Variants in SLC19A2 observed in about 807,000 individuals in gnomAD.
SLC19A2 encodes solute carrier family 19 member 2, also known as thiamine transporter 1.
Under a neutral mutation model 44.7 loss-of-function variants are expected in SLC19A2, and 27 were observed. That is an observed-to-expected ratio of 0.60 (90% CI 0.45 to 0.83). The LOEUF is 0.83. SLC19A2 is among the 40% of genes least tolerant of loss of function. SLC19A2 has a pLI of 0.00. For synonymous variants in SLC19A2, 239 were observed against 243.6 expected, an observed-to-expected ratio of 0.98 and a Z score of 0.18; for missense variants, 566 against 613.7, an observed-to-expected ratio of 0.92 and a Z score of 0.82.
chr1:169,484,793 T>C (rs1196881396), intron 1 of SLC19A2, among the ~76,000 whole-genome samples: 1 of 152,236 alleles, frequency 6.6e-6, no homozygotes, highest in East Asian at 1.9e-4. Flanking sequence ...GATGATGGAC[T>C]ACGTGCTCTC....
rs1361783731 is a variant in SLC19A2, at chr1:169,464,288, A to G, written c.*1561T>C. On this transcript the variant is annotated 3_prime_UTR_variant, in exon 6 of 6. Coordinates refer to ENST00000236137, the MANE Select transcript of SLC19A2 (RefSeq NM_006996.3). ...TCCCAAATTAGCACAAACAAAACAAAGCAAAAAAAGAAAAACAGACAGAAT... is the reference window on the plus strand; with the variant it reads ...TCCCAAATTAGCACAAACAAAACAAGGCAAAAAAAGAAAAACAGACAGAAT... 2.6e-5 allele frequency: 4 copies of G among 152,616 alleles called. No homozygotes were observed. The highest frequency in any genetic ancestry group is 9.7e-5 in the African/African-American group (4 of 41,448). 9.5% of individuals were successfully genotyped at this position (152,616 alleles called of 1,614,324 possible).
chr1:169,468,722 G>T lies in SLC19A2; in HGVS notation c.1145C>A (p.Thr382Asn). 6.2e-7 allele frequency: 1 copy of T among 1,613,790 alleles called. No homozygotes were observed. The highest frequency in any genetic ancestry group is 8.5e-7 in the Non-Finnish European group (1 of 1,179,794). The change falls in exon 4 of 6, where the codon ACT (threonine) becomes AAT (asparagine). Residue 382 changes from threonine (T) to asparagine (N), a missense_variant. Thr to Asn is a moderately conservative substitution (Grantham distance 65). Transcript: ENST00000236137. The stretch of plus-strand genomic sequence containing the variant: ...ATAGCACACCCAAATGTTACCCACA[G>T]TGTCCATGATATACACTGCAGCAGC... ...LIAAAVYIMDTVGNIWVCYAS... is the reference protein window; with the variant it reads ...LIAAAVYIMDNVGNIWVCYAS...
intron 2 of SLC19A2, among the ~76,000 whole-genome samples, chr1:169,475,152 A>G (rs983358079): frequency 6.6e-6 from 1 of 152,316 alleles, no homozygotes; most frequent in Middle Eastern, 3.4e-3. Flanking sequence ...AAATTCTACA[A>G]TTCTTCAGTA....
chr1:169,485,065 C>T (rs1571542411), intron 1 of SLC19A2, among the ~76,000 whole-genome samples: 1 of 152,242 alleles, frequency 6.6e-6, no homozygotes, highest in South Asian at 2.1e-4. Flanking sequence ...TTGATTAAGC[C>T]CACCCATTCT....
intron 2 of SLC19A2, among the ~76,000 whole-genome samples, chr1:169,471,779 A>G (rs1456806276): frequency 6.6e-6 from 1 of 151,814 alleles, no homozygotes; most frequent in Non-Finnish European, 1.5e-5. Context: ...AACAGTGACC[A>G]TCAACATTAG....
chr1:169,468,087 T>C, intron 5 of SLC19A2, 24 bp downstream of exon 5: 1 of 1,613,488 alleles, frequency 6.2e-7, no homozygotes, highest in Non-Finnish European at 8.5e-7. Flanking sequence ...CATACTACCT[T>C]CGATGCCAAA....
Position 169,485,907 on chromosome 1 carries a change from G to A in SLC19A2, c.-141C>T, listed in dbSNP as rs1658556624. The stretch of plus-strand genomic sequence containing the variant: ...ACGTTCTGGACTCGCCGCCGCCTCC[G>A]GCTACAGAACCCCCAGCTTTACCCT... On this transcript the variant is annotated 5_prime_UTR_variant, in exon 1 of 6. Coordinates refer to ENST00000236137, the MANE Select transcript of SLC19A2 (RefSeq NM_006996.3). 1 of 1,003,752 alleles carries A rather than the reference G, an allele frequency of 1.0e-6. No individual in the cohort carries two copies. The highest frequency in any genetic ancestry group is 1.7e-5 in the South Asian group (1 of 59,424). The allele number at this position is 1,003,752 out of a possible 1,614,324, so 62.2% of individuals were successfully genotyped here. A position where few individuals can be genotyped will look rare whatever the true frequency, so the allele number is the denominator to read the frequency against.
rs75099879 is a variant in SLC19A2 at position 169,477,166 on chromosome 1, C to T, written c.796G>A (p.Val266Met). The change falls in exon 2 of 6, where the codon GTG (valine) becomes ATG (methionine). Residue 266 changes from valine (V) to methionine (M), a missense_variant. Coordinates refer to ENST00000236137, the MANE Select transcript of SLC19A2 (RefSeq NM_006996.3). ...KIPLNMEEPP[V>M]EEPEPKPDRL... ...AAGGCTGAGCTTACCGGTTCCTCCA[C>T]GGGAGGCTCCTCCATATTTAGAGGG... is the stretch of plus-strand genomic sequence containing the variant. 1.3e-3 allele frequency: 2,058 copies of T among 1,613,658 alleles called. 20 individuals carry two copies. In the African/African-American group the frequency reaches 0.023, roughly 18 times the overall value.
At position 169,470,203 on chromosome 1, in the gene SLC19A2, A is replaced by G. The variant is rs1658137380; in HGVS notation, c.808-17T>C. The G allele has an allele frequency of 6.2e-7, 1 of 1,604,648 alleles. No individual in the cohort carries two copies. Among genetic ancestry groups the G allele is most frequent in the Non-Finnish European group, 8.5e-7 (1 of 1,171,570 alleles). ...CTTGGGTTCCTACATAGCAAAAGGGAACAATGCTCAAACTCTGATGAAGGC... is the reference window on the plus strand; with the variant it reads ...CTTGGGTTCCTACATAGCAAAAGGGGACAATGCTCAAACTCTGATGAAGGC... On this transcript the variant is annotated splice_polypyrimidine_tract_variant and intron_variant, in intron 2 of 5. Transcript: ENST00000236137.
intron 2 of SLC19A2, 149 bp from the exon 3 acceptor site, chr1:169,470,335 C>T: frequency 2.7e-6 from 2 of 727,864 alleles, no homozygotes; most frequent in South Asian, 3.2e-5. Context: ...TACATTTATC[C>T]CCTCTGGCGA....
intron 2 of SLC19A2, among the ~76,000 whole-genome samples, chr1:169,475,080 A>G (rs1027470676): frequency 1.3e-5 from 2 of 152,206 alleles, no homozygotes; most frequent in Non-Finnish European, 2.9e-5. Context: ...GATGAAATCT[A>G]ATCTCTTTTT....
chr1:169,469,044 T>G (rs892412173), intron 3 of SLC19A2: 9 of 556,644 alleles, frequency 1.6e-5, no homozygotes, highest in South Asian at 8.5e-5. Flanking sequence ...CAGACTGAAT[T>G]AGGAGAGGTG....
intron 1 of SLC19A2, among the ~76,000 whole-genome samples, chr1:169,480,956 G>A (rs1658429303): frequency 1.3e-5 from 2 of 152,158 alleles, no homozygotes; most frequent in African/African-American, 2.4e-5. Flanking sequence ...TAATGAAGAT[G>A]GAGGAGAGTA....
At chr1:169,471,463 CCACACACACA>C (rs59833853) in intron 2 of SLC19A2, among the ~76,000 whole-genome samples, 17,831 of 117,696 alleles carry the variant, frequency 0.15, 1,541 homozygotes, top group Non-Finnish European at 0.19. Context: ...GATCCCGTCT[CCACACACACA>C]CACACACACA....
At chr1:169,483,755 T>C (rs1222653022) in intron 1 of SLC19A2, among the ~76,000 whole-genome samples, 3 of 152,184 alleles carry the variant, frequency 2.0e-5, no homozygotes, top group Non-Finnish European at 4.4e-5. Context: ...TGGGAACATG[T>C]TTCTCTCCCT....
intron 2 of SLC19A2, among the ~76,000 whole-genome samples, chr1:169,470,500 C>T (rs1658147796): frequency 6.6e-6 from 1 of 152,092 alleles, no homozygotes; most frequent in Non-Finnish European, 1.5e-5. Context: ...TCTACATCTC[C>T]CATAAACTGG....
intron 2 of SLC19A2, among the ~76,000 whole-genome samples, chr1:169,476,701 T>C (rs891805411): frequency 1.3e-5 from 2 of 152,070 alleles, no homozygotes; most frequent in South Asian, 2.1e-4. Flanking sequence ...GCCTCAGCAA[T>C]AGAGCAAGAC....
intron 2 of SLC19A2, among the ~76,000 whole-genome samples, chr1:169,470,955 A>C (rs1658159379): frequency 6.6e-6 from 1 of 151,802 alleles, no homozygotes; most frequent in South Asian, 2.1e-4. Flanking sequence ...GGGTGTAGTG[A>C]CTCATGTCTA....
At chr1:169,477,035 C>T in intron 2 of SLC19A2, 120 bp downstream of exon 2, 1 of 1,141,178 alleles carries the variant, frequency 8.8e-7, no homozygotes, top group Non-Finnish European at 1.3e-6. Context: ...AATAAACCAA[C>T]TCAGGATAAA....
Sources: gnomAD v4.1 joint callset for allele counts (sites outside exome capture counted in the v4.1 genomes callset) on GRCh38, gnomAD v4.1.1 for gene constraint, MANE v1.5 for transcripts, NCBI Gene and HGNC (gene_info 2026-07-23, HGNC 2026-07-21) for gene names.